GRIP1: variants seen among roughly 807,000 people sequenced by gnomAD.
GRIP1 encodes glutamate receptor interacting protein 1.
GRIP1 carries 45 observed loss-of-function variants against 129.9 expected under a neutral mutation model. That is an observed-to-expected ratio of 0.35 (90% confidence interval 0.27 to 0.44). The LOEUF (loss-of-function observed/expected upper bound fraction) is 0.44. Among genes scored for constraint, GRIP1 ranks in the 20% least tolerant of loss-of-function variants. The pLI, the probability that GRIP1 is intolerant of heterozygous loss-of-function variation, is 1.00. For missense variants in GRIP1, 1,196 were observed against 1,396.8 expected, an observed-to-expected ratio of 0.86 and a Z score of 2.29; for synonymous variants, 530 against 520.8, an observed-to-expected ratio of 1.02 and a Z score of -0.24.
At chr12:66,616,023 A>G (rs1405972981) in intron 1 of GRIP1, among the ~76,000 whole-genome samples, 2 of 152,188 alleles carry the variant, frequency 1.3e-5, no homozygotes, top group African/African-American at 4.8e-5. Flanking sequence ...TAAATGATAC[A>G]TATCTCTTAA....
intron 20 of GRIP1, among the ~76,000 whole-genome samples, chr12:66,378,142 T>A (rs2055903836): frequency 6.6e-6 from 1 of 151,934 alleles, no homozygotes; most frequent in African/African-American, 2.4e-5. Flanking sequence ...GAAACTAACT[T>A]TTAAAAGAAA....
chr12:67,021,023 A>G (rs1165345426), intron 1 of GRIP1, among the ~76,000 whole-genome samples: 3 of 152,078 alleles, frequency 2.0e-5, no homozygotes, highest in Admixed American at 2.0e-4. Context: ...GCTTCAGCCC[A>G]GGAGTTCAAG....
chr12:66,814,260 C>G (rs1289312792), intron 1 of GRIP1, among the ~76,000 whole-genome samples: 1 of 151,878 alleles, frequency 6.6e-6, no homozygotes, highest in Non-Finnish European at 1.5e-5. Flanking sequence ...ACAATAGTAC[C>G]ATATTCATAG....
chr12:66,519,096 A>T (rs1565819426), intron 5 of GRIP1, among the ~76,000 whole-genome samples: 1 of 150,674 alleles, frequency 6.6e-6, no homozygotes, highest in African/African-American at 2.5e-5. Context: ...GACATTTCCC[A>T]AACCTGGCAT....
intron 1 of GRIP1, among the ~76,000 whole-genome samples, chr12:66,820,854 G>T (rs576351846): frequency 1.3e-3 from 195 of 152,142 alleles, no homozygotes; most frequent in African/African-American, 4.0e-3. Flanking sequence ...TAATCAGAAG[G>T]AGGGGTGGAT....
intron 1 of GRIP1, among the ~76,000 whole-genome samples, chr12:67,056,337 A>G (rs530546802): frequency 2.0e-5 from 3 of 152,322 alleles, no homozygotes; most frequent in South Asian, 4.1e-4. Context: ...AATCATCTGA[A>G]GGCTCATTTA....
chr12:67,061,370 T>C lies in GRIP1; in HGVS notation c.58+7680A>G, dbSNP rs1017301551. On this transcript the variant is annotated intron_variant, in intron 1 of 1. Coordinates refer to the GRIP1 transcript ENST00000643019. Reference sequence around the variant, plus strand: ...CCAAAGGTCAGTATGCCAAGAATCATCCTTACTTTACAGATGAGAAAGCCA... The same window carrying C: ...CCAAAGGTCAGTATGCCAAGAATCACCCTTACTTTACAGATGAGAAAGCCA... 3.3e-5 allele frequency among the ~76,000 whole-genome samples: 5 copies of C among 152,170 alleles called. No individual in the cohort carries two copies. The East Asian group carries it at 5.8e-4, about 18-fold the overall frequency.
intron 1 of GRIP1, among the ~76,000 whole-genome samples, chr12:66,825,436 G>A (rs935409518): frequency 2.0e-5 from 3 of 151,194 alleles, no homozygotes; most frequent in Admixed American, 1.3e-4. Context: ...AGGGAAAGTA[G>A]TTTGATATAG....
chr12:66,855,251 T>G (rs1404968242), intron 1 of GRIP1, among the ~76,000 whole-genome samples: 2 of 151,980 alleles, frequency 1.3e-5, no homozygotes, highest in Non-Finnish European at 2.9e-5. Flanking sequence ...CACTATTTTC[T>G]CAAAATCAAA....
chr12:67,063,032 A>G (rs1232898975), intron 1 of GRIP1, among the ~76,000 whole-genome samples: 1 of 152,228 alleles, frequency 6.6e-6, no homozygotes, highest in Non-Finnish European at 1.5e-5. Context: ...TCTGCAAGGT[A>G]CTATCATACA....
At position 66,353,441 on chromosome 12, in the gene GRIP1, T is replaced by C; in HGVS notation, c.3135A>G (p.Leu1045=). The change falls in exon 24 of 25, where the codon TTA becomes TTG. Residue 1045 remains leucine, a synonymous_variant. Transcript: ENST00000359742. ...CCTGTAAGAGCCTGTCATAGGGCTT[T>C]AAGCCACCAAGATCTCCTGGCCCAG... The part of the protein sequence containing the change: ...RPAGPGDLGG[L]KPYDRLLQVN... 1 of 1,612,934 alleles carries C rather than the reference T, an allele frequency of 6.2e-7. No homozygotes were observed. The highest frequency in any genetic ancestry group is 8.5e-7 in the Non-Finnish European group (1 of 1,178,932).
intron 1 of GRIP1, among the ~76,000 whole-genome samples, chr12:66,898,042 ATTTATCACC>A (rs1432851013): frequency 5.3e-5 from 8 of 152,196 alleles, no homozygotes; most frequent in African/African-American, 1.9e-4. Flanking sequence ...AATAATGTTT[ATTTATCACC>A]TTTATCACCT....
intron 1 of GRIP1, among the ~76,000 whole-genome samples, chr12:66,973,263 C>CAA (rs35110194): frequency 8.0e-5 from 12 of 150,666 alleles, no homozygotes; most frequent in Non-Finnish European, 1.5e-4. Flanking sequence ...TTAATACAAA[C>CAA]AAAAAAAACC....
chr12:66,450,026 C>T (rs1249491195), intron 11 of GRIP1, among the ~76,000 whole-genome samples: 4 of 151,826 alleles, frequency 2.6e-5, no homozygotes, highest in Non-Finnish European at 4.4e-5. Flanking sequence ...AAGAGCCGGG[C>T]GCGGTGGCTC....
intron 1 of GRIP1, among the ~76,000 whole-genome samples, chr12:66,602,574 T>C (rs1408623622): frequency 1.3e-5 from 2 of 152,264 alleles, no homozygotes; most frequent in African/African-American, 4.8e-5. Context: ...TTTCCTTCCC[T>C]AATCTGATGG....
intron 1 of GRIP1, among the ~76,000 whole-genome samples, chr12:67,019,149 C>T (rs568096786): frequency 2.0e-5 from 3 of 152,196 alleles, no homozygotes; most frequent in South Asian, 2.1e-4. Context: ...ACTGCCAAAA[C>T]GATCATTCAG....
chr12:66,739,782 C>A (rs942109243), intron 1 of GRIP1, among the ~76,000 whole-genome samples: 2 of 152,024 alleles, frequency 1.3e-5, no homozygotes, highest in Admixed American at 6.6e-5. Context: ...ATCCAGTCCC[C>A]TCTTTCTAAC....
At chr12:66,973,870 C>T (rs984094009) in intron 1 of GRIP1, among the ~76,000 whole-genome samples, 8 of 151,230 alleles carry the variant, frequency 5.3e-5, no homozygotes, top group Non-Finnish European at 1.2e-4. Context: ...GAATATTGAA[C>T]TCTAGAGTTT....
chr12:66,728,568 T>G (rs935638586), intron 1 of GRIP1, among the ~76,000 whole-genome samples: 1 of 152,172 alleles, frequency 6.6e-6, no homozygotes, highest in Admixed American at 6.5e-5. Context: ...TATGCCTTTA[T>G]TGGCCAGAAC....
Sources: allele counts gnomAD v4.1 joint callset (sites outside exome capture counted in the v4.1 genomes callset), GRCh38; gene constraint gnomAD v4.1.1; transcripts MANE v1.5; gene names NCBI Gene and HGNC (gene_info 2026-07-23, HGNC 2026-07-21).